Variants in LINGO2 observed in about 807,000 individuals in gnomAD.
LINGO2 encodes leucine-rich repeat and immunoglobulin-like domain-containing nogo receptor-interacting protein 2.
A neutral mutation model predicts 30.6 loss-of-function variants in LINGO2; 14 were observed. The ratio of observed to expected loss-of-function variants is 0.46; its 90% confidence interval spans 0.30 to 0.72. The LOEUF is 0.72. Ranked by LOEUF, LINGO2 falls within the 30% of genes least tolerant of loss-of-function variation. The pLI, the probability that LINGO2 is intolerant of heterozygous loss-of-function variation, is 0.07. For missense variants in LINGO2, 729 were observed against 751.7 expected (o/e 0.97, Z 0.35); for synonymous variants, 317 against 288.5 (o/e 1.10, Z -1.00).
At chr9:27,977,053 G>T (rs540134340) in intron 5 of LINGO2, among the ~76,000 whole-genome samples, 10 of 150,400 alleles carry the variant, frequency 6.6e-5, no homozygotes, top group African/African-American at 2.4e-4. Context: ...AAAAAAAAAA[G>T]AAGTGGAAGC....
intron 4 of LINGO2, among the ~76,000 whole-genome samples, chr9:28,272,895 C>T (rs1822991299): frequency 6.6e-6 from 1 of 152,130 alleles, no homozygotes; most frequent in African/African-American, 2.4e-5. Context: ...CTTCTCCTCA[C>T]CCTATAAAAT....
chr9:28,224,249 A>T (rs1192365029), intron 4 of LINGO2, among the ~76,000 whole-genome samples: 1 of 152,180 alleles, frequency 6.6e-6, no homozygotes, highest in Non-Finnish European at 1.5e-5. Context: ...TATTTTTAGT[A>T]GAGACGGGGT....
chr9:28,630,284 C>T (rs1414986636), intron 1 of LINGO2, among the ~76,000 whole-genome samples: 1 of 151,912 alleles, frequency 6.6e-6, no homozygotes, highest in Non-Finnish European at 1.5e-5. Flanking sequence ...TCATCAGTCA[C>T]ATGTCTTTTC....
chr9:28,498,618 G>T (rs1272704948), intron 1 of LINGO2, among the ~76,000 whole-genome samples: 1 of 152,138 alleles, frequency 6.6e-6, no homozygotes, highest in African/African-American at 2.4e-5. Flanking sequence ...GTAAGGCTAT[G>T]CCTCGTCCTG....
chr9:28,822,840 G>C, the LINGO2 span, among the ~76,000 whole-genome samples: 289 of 152,182 alleles, frequency 1.9e-3, 1 homozygote, highest in African/African-American at 6.9e-3. Context: ...AGAGAACCCT[G>C]ACTAATACAT....
chr9:28,216,024 A>G (rs991743766), intron 4 of LINGO2, among the ~76,000 whole-genome samples: 1 of 151,832 alleles, frequency 6.6e-6, no homozygotes, highest in African/African-American at 2.4e-5. Context: ...CTCTTTTGGC[A>G]CTTCTGCAAT....
the LINGO2 span, among the ~76,000 whole-genome samples, chr9:28,762,213 A>G: frequency 3.3e-5 from 5 of 152,068 alleles, no homozygotes; most frequent in African/African-American, 1.2e-4. Flanking sequence ...TTTCCATTTT[A>G]ATTGTACTAT....
chr9:28,514,631 T>C (rs1820545966), intron 1 of LINGO2, among the ~76,000 whole-genome samples: 1 of 152,212 alleles, frequency 6.6e-6, no homozygotes, highest in African/African-American at 2.4e-5. Flanking sequence ...ATAAGAAAAA[T>C]TAGAGGCTAG....
chr9:28,550,095 G>A (rs1022184470), intron 1 of LINGO2, among the ~76,000 whole-genome samples: 4 of 151,602 alleles, frequency 2.6e-5, no homozygotes, highest in African/African-American at 7.3e-5. Flanking sequence ...TCTAAATTTG[G>A]ATTTATTCCT....
chr9:28,052,398 A>C (rs1325480934), intron 4 of LINGO2, among the ~76,000 whole-genome samples: 1 of 152,098 alleles, frequency 6.6e-6, no homozygotes, highest in Non-Finnish European at 1.5e-5. Flanking sequence ...CCTTGTGGTT[A>C]GTAGCCACTG....
At chr9:28,953,314 C>T in the LINGO2 span, among the ~76,000 whole-genome samples, 1 of 151,944 alleles carries the variant, frequency 6.6e-6, no homozygotes, top group Non-Finnish European at 1.5e-5. Context: ...AGTGCTCAAA[C>T]GTTTAGGAAT....
the LINGO2 span, among the ~76,000 whole-genome samples, chr9:28,984,094 C>A: frequency 1.3e-5 from 2 of 152,076 alleles, no homozygotes; most frequent in Non-Finnish European, 2.9e-5. Context: ...ACTCTCTTCT[C>A]ATTTTATCCT....
chr9:28,435,380 T>C (rs1259684180), intron 2 of LINGO2, among the ~76,000 whole-genome samples: 1 of 152,222 alleles, frequency 6.6e-6, no homozygotes, highest in Non-Finnish European at 1.5e-5. Flanking sequence ...AGAAGGGTTA[T>C]TGTGCTTTGT....
chr9:28,139,541 C>T (rs1297139618), intron 4 of LINGO2, among the ~76,000 whole-genome samples: 1 of 152,028 alleles, frequency 6.6e-6, no homozygotes, highest in Middle Eastern at 3.2e-3. Context: ...AATTAAAGAG[C>T]ATAAAGTAAA....
At chr9:28,852,346 T>G in the LINGO2 span, among the ~76,000 whole-genome samples, 6 of 152,140 alleles carry the variant, frequency 3.9e-5, 1 homozygote, top group South Asian at 1.0e-3. Flanking sequence ...AACAAAGGCT[T>G]GAGTGTGCAT....
At chr9:28,084,637 A>T (rs1451160798) in intron 4 of LINGO2, among the ~76,000 whole-genome samples, 2 of 152,190 alleles carry the variant, frequency 1.3e-5, no homozygotes, top group Non-Finnish European at 2.9e-5. Context: ...TCCCAGTAGT[A>T]GGTGAAAAAG....
At chr9:28,928,835 A>C in the LINGO2 span, among the ~76,000 whole-genome samples, 1 of 152,166 alleles carries the variant, frequency 6.6e-6, no homozygotes, top group Non-Finnish European at 1.5e-5. Context: ...AGTTCTAGGC[A>C]GCGCAATCGG....
In LINGO2 at chr9:28,171,523, C is replaced by G. The variant is rs577841620; in HGVS notation, c.-87+123685G>C. On this transcript the variant is annotated intron_variant, in intron 4 of 5. Coordinates refer to ENST00000379992, the Ensembl canonical transcript of LINGO2. ...AGAGGGCTTGGGAAGCTCTCAAGAA[C>G]ACTAAAAAAATGAAGCACCTTAAGG... is the stretch of plus-strand genomic sequence containing the variant. Among the ~76,000 whole-genome samples, 4 of 152,192 alleles carry G rather than the reference C, an allele frequency of 2.6e-5. No individual in the cohort carries two copies. In the South Asian group the frequency reaches 8.3e-4, roughly 32 times the overall value.
the LINGO2 span, among the ~76,000 whole-genome samples, chr9:29,147,606 G>C: frequency 1.3e-5 from 2 of 152,038 alleles, no homozygotes; most frequent in African/African-American, 2.4e-5. Context: ...AGTATAGCTT[G>C]ATAGGAATCA....
Sources: gnomAD v4.1 joint callset for allele counts (sites outside exome capture counted in the v4.1 genomes callset) on GRCh38, gnomAD v4.1.1 for gene constraint, MANE v1.5 for transcripts, NCBI Gene and HGNC (gene_info 2026-07-23, HGNC 2026-07-21) for gene names.